The following RNF185 variants were observed in gnomAD, a reference collection of about 807,000 sequenced individuals.
The protein encoded by RNF185 is ring finger protein 185, also known as E3 ubiquitin-protein ligase RNF185.
A neutral mutation model predicts 24.9 loss-of-function variants in RNF185; 13 were observed. The ratio of observed to expected loss-of-function variants is 0.52; its 90% CI spans 0.34 to 0.83. RNF185 has a LOEUF of 0.83. RNF185 is among the 40% of genes least tolerant of loss of function. RNF185 has a pLI of 0.01. For missense variants in RNF185, 184 were observed against 244.7 expected (o/e 0.75, Z 1.65); for synonymous variants, 79 against 90.3 (o/e 0.88, Z 0.71).
At chr22:31,163,130 G>T (rs1412825070) in intron 1 of RNF185, among the ~76,000 whole-genome samples, 1 of 152,072 alleles carries the variant, frequency 6.6e-6, no homozygotes, top group African/African-American at 2.4e-5. Context: ...ACAATTACAG[G>T]AAGATAAAAT....
intron 1 of RNF185, among the ~76,000 whole-genome samples, chr22:31,178,019 A>G (rs537988475): frequency 1.3e-5 from 2 of 152,278 alleles, no homozygotes; most frequent in Admixed American, 1.3e-4. Flanking sequence ...AGCTCTGGGA[A>G]GGTAATATAT....
intron 2 of RNF185, among the ~76,000 whole-genome samples, chr22:31,190,501 G>T (rs2048145906): frequency 6.6e-6 from 1 of 152,050 alleles, no homozygotes; most frequent in Non-Finnish European, 1.5e-5. Flanking sequence ...TGGCCAGGCT[G>T]GTCTTGAACT....
In RNF185 at chr22:31,166,503, A is replaced by G. The variant is rs1015233194; in HGVS notation, c.-49+6200A>G. ...CTTATTAACATCTAAAACTGAAGAA[A>G]ACACACACTTTAATTTTAATGTCTC... is the stretch of plus-strand genomic sequence containing the variant. On this transcript the variant is annotated intron_variant, in intron 1 of 6. Coordinates refer to ENST00000326132, the MANE Select transcript of RNF185 (RefSeq NM_152267.4). 2.0e-5 allele frequency among the ~76,000 whole-genome samples: 3 copies of G among 152,126 alleles called. No individual in the cohort carries two copies. In the East Asian group the frequency reaches 5.8e-4, roughly 29 times the overall value.
intron 1 of RNF185, among the ~76,000 whole-genome samples, chr22:31,181,986 T>C (rs2048041778): frequency 6.6e-6 from 1 of 151,276 alleles, no homozygotes; most frequent in South Asian, 2.1e-4. Context: ...ACATGTACCC[T>C]AGAACTTAAA....
chr22:31,184,083 C>A (rs1331359941), intron 1 of RNF185, among the ~76,000 whole-genome samples: 1 of 150,240 alleles, frequency 6.7e-6, no homozygotes, highest in Non-Finnish European at 1.5e-5. Flanking sequence ...CCGGACGGGG[C>A]GGCTGGCCGG....
At chr22:31,168,563 T>A (rs1046857441) in intron 1 of RNF185, among the ~76,000 whole-genome samples, 3 of 152,222 alleles carry the variant, frequency 2.0e-5, no homozygotes, top group African/African-American at 7.2e-5. Flanking sequence ...TTGCTTTCAA[T>A]TATTTGGGTA....
At chr22:31,175,722 C>G (rs539019473) in intron 1 of RNF185, among the ~76,000 whole-genome samples, 4 of 152,104 alleles carry the variant, frequency 2.6e-5, no homozygotes, top group Non-Finnish European at 4.4e-5. Context: ...ACTTTTCAGC[C>G]TATATCCTTT....
intron 1 of RNF185, among the ~76,000 whole-genome samples, chr22:31,165,112 T>C (rs1393647267): frequency 6.6e-6 from 1 of 151,574 alleles, no homozygotes; most frequent in Non-Finnish European, 1.5e-5. Context: ...GAGACAGGGT[T>C]GCTCTATGTT....
chr22:31,189,267 A>G (rs1309689611), intron 2 of RNF185, among the ~76,000 whole-genome samples: 1 of 137,940 alleles, frequency 7.2e-6, no homozygotes, highest in Non-Finnish European at 1.5e-5. Flanking sequence ...TTAAATGTAC[A>G]GCTGTTGTAT....
intron 1 of RNF185, 61 bp from the exon 2 acceptor site, chr22:31,186,986 G>C: frequency 8.7e-7 from 1 of 1,153,682 alleles, no homozygotes; most frequent in Non-Finnish European, 1.2e-6. Flanking sequence ...AGGAATGTTG[G>C]CATGGAAGCT....
chr22:31,162,766 CTT>C (rs71319163), intron 1 of RNF185, among the ~76,000 whole-genome samples: 10 of 134,430 alleles, frequency 7.4e-5, no homozygotes, highest in Admixed American at 7.8e-5. Context: ...ATTTTTCTTT[CTT>C]TTTTTTTTTT....
At chr22:31,173,360 G>A (rs1158660746) in intron 1 of RNF185, among the ~76,000 whole-genome samples, 1 of 150,860 alleles carries the variant, frequency 6.6e-6, no homozygotes, top group Non-Finnish European at 1.5e-5. Context: ...ATATTGAGTT[G>A]TACAGTTCTA....
intron 1 of RNF185, among the ~76,000 whole-genome samples, chr22:31,164,570 A>AGTT (rs1024044217): frequency 2.9e-4 from 43 of 148,302 alleles, no homozygotes; most frequent in African/African-American, 1.1e-3. Flanking sequence ...TATCTGGGAC[A>AGTT]GTTCCTCATT....
chr22:31,188,943 A>AT (rs2048126282), intron 2 of RNF185, among the ~76,000 whole-genome samples: 1 of 141,784 alleles, frequency 7.1e-6, no homozygotes, highest in Non-Finnish European at 1.5e-5. Context: ...ACACGGTGAA[A>AT]CCCGTTTCTA....
At chr22:31,171,785 A>G (rs750266818) in intron 1 of RNF185, among the ~76,000 whole-genome samples, 1 of 152,064 alleles carries the variant, frequency 6.6e-6, no homozygotes, top group East Asian at 1.9e-4. Flanking sequence ...CCTGACCAAC[A>G]TGGAGAAACA....
At position 31,206,146 on chromosome 22, in the gene RNF185, A is replaced by C; in HGVS notation, c.*1560A>C. On this transcript the variant is annotated 3_prime_UTR_variant, in exon 7 of 7. Transcript: ENST00000326132. ...ATTGCTTTTTCTCAATTATGACTGC[A>C]TAGTTTATGGAAACAAAGATCTTGA... 6.5e-6 allele frequency: 1 copy of C among 153,886 alleles called. No homozygotes were observed. The highest frequency in any genetic ancestry group is 8.4e-4 in the Middle Eastern group (1 of 1,196). The allele number at this position is 153,886 out of a possible 1,614,324, so 9.5% of individuals were successfully genotyped here.
At chr22:31,194,731 A>G (rs942661130) in intron 3 of RNF185, among the ~76,000 whole-genome samples, 7 of 151,280 alleles carry the variant, frequency 4.6e-5, no homozygotes, top group East Asian at 1.9e-4. Context: ...CTGTCTGGGG[A>G]AAAAAAAATG....
chr22:31,172,410 ATTTC>A (rs1471429211), intron 1 of RNF185, among the ~76,000 whole-genome samples: 2 of 151,516 alleles, frequency 1.3e-5, no homozygotes, highest in Admixed American at 6.6e-5. Flanking sequence ...TTCCTCATTA[ATTTC>A]TTTGTCTAAT....
intron 1 of RNF185, among the ~76,000 whole-genome samples, chr22:31,172,934 C>T (rs1800706724): frequency 6.6e-6 from 1 of 152,216 alleles, no homozygotes; most frequent in South Asian, 2.1e-4. Flanking sequence ...TAGAAATTCA[C>T]AGCCCTTGAC....
Sources: gnomAD v4.1 joint callset for allele counts (sites outside exome capture counted in the v4.1 genomes callset) on GRCh38, gnomAD v4.1.1 for gene constraint, MANE v1.5 for transcripts, NCBI Gene and HGNC (gene_info 2026-07-23, HGNC 2026-07-21) for gene names.